TNPO1: variants seen among roughly 807,000 people sequenced by gnomAD.
TNPO1 encodes the protein transportin-1.
A neutral mutation model predicts 119.5 loss-of-function variants in TNPO1; 8 were observed. The observed-to-expected ratio is 0.07, with a 90% CI of 0.04 to 0.12. The LOEUF is 0.12. Ranked by LOEUF, TNPO1 falls within the 10% of genes least tolerant of loss-of-function variation. The pLI is 1.00. For synonymous variants in TNPO1, 362 were observed against 363.0 expected (o/e 1.00, Z 0.03); for missense variants, 576 against 1,089.8 (o/e 0.53, Z 6.64).
chr5:72,869,948 T>C (rs543472009), intron 6 of TNPO1, among the ~76,000 whole-genome samples: 1 of 152,294 alleles, frequency 6.6e-6, no homozygotes, highest in South Asian at 2.1e-4. Flanking sequence ...CATTCCAAGT[T>C]TATCATCTGT....
At chr5:72,876,389 TC>T (rs1178359346) in intron 8 of TNPO1, among the ~76,000 whole-genome samples, 2 of 152,212 alleles carry the variant, frequency 1.3e-5, no homozygotes, top group Non-Finnish European at 2.9e-5. Context: ...GTTGTGAAAA[TC>T]ACGTGAGTGA....
At chr5:72,905,271 A>G (rs774694992) in intron 23 of TNPO1, 32 bp from the exon 24 acceptor site, 6 of 1,496,392 alleles carry the variant, frequency 4.0e-6, no homozygotes, top group Non-Finnish European at 4.6e-6. Context: ...TTCTCTTGTT[A>G]TTGATAAATT....
intron 1 of TNPO1, among the ~76,000 whole-genome samples, chr5:72,835,153 G>A (rs956979209): frequency 1.3e-5 from 2 of 152,152 alleles, no homozygotes; most frequent in South Asian, 2.1e-4. Flanking sequence ...TTCTTAGACC[G>A]TATCCCTGTC....
chr5:72,860,606 G>T (rs1482005244), intron 4 of TNPO1, among the ~76,000 whole-genome samples: 2 of 152,174 alleles, frequency 1.3e-5, no homozygotes, highest in Non-Finnish European at 2.9e-5. Flanking sequence ...CTCGAAGATC[G>T]CCTTTCTGGC....
At position 72,914,364 on chromosome 5, in the gene TNPO1, A is replaced by G. The variant is rs1195663006; in HGVS notation, c.*5691A>G. On this transcript the variant is annotated 3_prime_UTR_variant, in exon 25 of 25. Transcript: ENST00000337273. ...TGTGAATGTTAATCACTGCTTGACT[A>G]TGTTAATAAAGTTGTTTAACTATAG... 6.6e-6 allele frequency: 1 copy of G among 152,600 alleles called. No individual in the cohort carries two copies. Among genetic ancestry groups the G allele is most frequent in the Non-Finnish European group, 1.5e-5 (1 of 68,006 alleles). The allele number at this position is 152,600 out of a possible 1,614,324, so 9.5% of individuals were successfully genotyped here. A position where few individuals can be genotyped will look rare whatever the true frequency, so the allele number is the denominator to read the frequency against.
chr5:72,853,733 A>T (rs1327639615), intron 3 of TNPO1, among the ~76,000 whole-genome samples: 1 of 151,844 alleles, frequency 6.6e-6, no homozygotes, highest in Non-Finnish European at 1.5e-5. Context: ...AAATCTTTGC[A>T]TCATGGCTGT....
intron 13 of TNPO1, among the ~76,000 whole-genome samples, chr5:72,889,323 G>T (rs1309124836): frequency 6.6e-6 from 1 of 152,186 alleles, no homozygotes; most frequent in Non-Finnish European, 1.5e-5. Context: ...CTCCCAAAGT[G>T]CTGGGATTGC....
In TNPO1 at chr5:72,911,853, C is replaced by T. The variant is rs1377807977; in HGVS notation, c.*3180C>T. ...CTGTTTTATATATGCCTTCTTTTTC[C>T]TGTTTGAGCTTCTCTCTTTGAAGGA... On this transcript the variant is annotated 3_prime_UTR_variant, in exon 25 of 25. Transcript: ENST00000337273. The T allele has an allele frequency of 6.6e-6, 1 of 152,398 alleles. No individual in the cohort carries two copies. Among genetic ancestry groups the T allele is most frequent in the Non-Finnish European group, 1.5e-5 (1 of 67,916 alleles). The allele number at this position is 152,398 out of a possible 1,614,324, so 9.4% of individuals were successfully genotyped here. A position where few individuals can be genotyped will look rare whatever the true frequency, so the allele number is the denominator to read the frequency against.
chr5:72,868,266 G>A (rs184571751), intron 6 of TNPO1, among the ~76,000 whole-genome samples: 1 of 151,518 alleles, frequency 6.6e-6, no homozygotes, highest in Non-Finnish European at 1.5e-5. Flanking sequence ...CCCCGCCTCT[G>A]CTAAAAATAC....
chr5:72,863,349 G>A (rs1398583773), intron 5 of TNPO1, among the ~76,000 whole-genome samples: 2 of 152,140 alleles, frequency 1.3e-5, no homozygotes, highest in Non-Finnish European at 2.9e-5. Flanking sequence ...CGCCATGGTG[G>A]CTCACACCTG....
At chr5:72,816,872 G>C in intron 1 of TNPO1, 120 bp downstream of exon 1, 14 of 1,298,128 alleles carry the variant, frequency 1.1e-5, no homozygotes, top group East Asian at 2.8e-5. Context: ...CTCGGCGCCT[G>C]CCCGGCCGTT....
intron 1 of TNPO1, among the ~76,000 whole-genome samples, chr5:72,823,529 G>A (rs1744076493): frequency 6.6e-6 from 1 of 152,076 alleles, no homozygotes; most frequent in African/African-American, 2.4e-5. Flanking sequence ...CACTCCTAGT[G>A]CCTCAGCCCT....
At chr5:72,875,526 G>T (rs1370663975) in intron 7 of TNPO1, 89 bp from the exon 8 acceptor site, 9 of 1,442,760 alleles carry the variant, frequency 6.2e-6, no homozygotes, top group Non-Finnish European at 7.5e-6. Context: ...CCTTTGTAGG[G>T]TTTCTTTAAA....
intron 3 of TNPO1, among the ~76,000 whole-genome samples, chr5:72,853,099 T>C (rs1156705330): frequency 2.0e-5 from 3 of 152,220 alleles, no homozygotes; most frequent in Non-Finnish European, 2.9e-5. Flanking sequence ...AGTACAGCTT[T>C]CTTGGGATAT....
intron 12 of TNPO1, among the ~76,000 whole-genome samples, 178 bp from the exon 13 acceptor site, chr5:72,887,900 G>T (rs1748772770): frequency 6.6e-6 from 1 of 152,154 alleles, no homozygotes; most frequent in Non-Finnish European, 1.5e-5. Context: ...TAAGATGCTT[G>T]GGAGCAGGTA....
In TNPO1 at chr5:72,905,357, G is replaced by C. The variant is rs1185639747; in HGVS notation, c.2644G>C (p.Asp882His). 1.2e-6 allele frequency: 2 copies of C among 1,611,906 alleles called. No individual in the cohort carries two copies. Among genetic ancestry groups the C allele is most frequent in the Non-Finnish European group, 1.7e-6 (2 of 1,179,834 alleles). Residue 882 changes from aspartate (D) to histidine (H), a missense_variant, in exon 24 of 25, where the codon GAC becomes CAC. By Grantham distance (81) the Asp-to-His change is moderately conservative. This residue lies in a region of TNPO1 where 162 missense variants were observed against 294.1 expected (regional missense o/e 0.55). Transcript: ENST00000337273. ...CGATGAAAATTGGAGGCGTTTCTCTGACCAGTTTCCTCTTCCCTTAAAAGA... is the reference window on the plus strand; with the variant it reads ...CGATGAAAATTGGAGGCGTTTCTCTCACCAGTTTCCTCTTCCCTTAAAAGA... ...VGDENWRRFSDQFPLPLKERL... is the reference protein window; with the variant it reads ...VGDENWRRFSHQFPLPLKERL...
chr5:72,879,049 C>G, intron 9 of TNPO1: 1 of 294,236 alleles, frequency 3.4e-6, no homozygotes, highest in Non-Finnish European at 7.1e-6. Flanking sequence ...ATAAGCACAT[C>G]TCTTGCCCAA....
At position 72,910,457 on chromosome 5, in the gene TNPO1, G is replaced by C. The variant is rs1750488012; in HGVS notation, c.*1784G>C. On this transcript the variant is annotated 3_prime_UTR_variant, in exon 25 of 25. Transcript: ENST00000337273. Reference sequence around the variant, plus strand: ...GGATTGCCTGAACAGTGTATCCCATGATGATGAAGGAAAATGGAGAGATTT... The same window carrying C: ...GGATTGCCTGAACAGTGTATCCCATCATGATGAAGGAAAATGGAGAGATTT... The C allele has an allele frequency of 6.6e-6, 1 of 152,602 alleles. No homozygotes were observed. The highest frequency in any genetic ancestry group is 6.5e-5 in the Admixed American group (1 of 15,270). 9.5% of individuals were successfully genotyped at this position (152,602 alleles called of 1,614,324 possible).
chr5:72,864,600 TGTAA>T (rs1463509649), intron 5 of TNPO1, among the ~76,000 whole-genome samples: 1 of 152,176 alleles, frequency 6.6e-6, no homozygotes, highest in Non-Finnish European at 1.5e-5. Context: ...TTTTTCTATA[TGTAA>T]GTAACTTTTT....
Sources: allele counts gnomAD v4.1 joint callset (sites outside exome capture counted in the v4.1 genomes callset), GRCh38; gene constraint gnomAD v4.1.1; regional missense constraint gnomAD v4.1.1; transcripts MANE v1.5; gene names NCBI Gene and HGNC (gene_info 2026-07-23, HGNC 2026-07-21).